GPC4: variants seen among roughly 807,000 people sequenced by gnomAD.
GPC4 encodes the protein glypican 4.
Under a neutral mutation model 35.0 loss-of-function variants are expected in GPC4, and 10 were observed. That is an observed-to-expected ratio of 0.29 (90% CI 0.18 to 0.48). The LOEUF (loss-of-function observed/expected upper bound fraction) is 0.48, where lower values mean the gene tolerates loss of function less well. GPC4 is among the 20% of genes least tolerant of loss of function. The pLI is 0.99. For synonymous variants in GPC4, 167 were observed against 170.2 expected (o/e 0.98, Z 0.15); for missense variants, 322 against 451.3 (o/e 0.71, Z 2.60).
chrX:133,362,282 C>G (rs2068572606), intron 1 of GPC4, among the ~76,000 whole-genome samples: 1 of 109,343 alleles, frequency 9.1e-6, no homozygotes, highest in Non-Finnish European at 1.9e-5. Flanking sequence ...GAGAAGGGAA[C>G]AGAAGAGGCA....
chrX:133,304,192 C>A (rs1172060168), intron 7 of GPC4, among the ~76,000 whole-genome samples: 3 of 109,765 alleles, frequency 2.7e-5, no homozygotes, highest in African/African-American at 1.0e-4. Context: ...CCTAGCTACT[C>A]AGGAGACTGA....
rs2068816450 is a variant in GPC4 at position 133,412,312 on chromosome X, A to G, written c.160+2494T>C. ...TGGTAAAGATTACGCCTGTTTCTAT[A>G]CTGGCCGTCTAAAGGTATTTACTTG... On this transcript the variant is annotated intron_variant, in intron 1 of 8. Transcript: ENST00000370828. 2.7e-5 allele frequency among the ~76,000 whole-genome samples: 3 copies of G among 112,185 alleles called. No individual in the cohort carries two copies. The South Asian group carries it at 1.1e-3, about 42-fold the overall frequency.
chrX:133,405,070 T>C (rs1056962621), intron 1 of GPC4, among the ~76,000 whole-genome samples: 1 of 108,902 alleles, frequency 9.2e-6, no homozygotes, highest in African/African-American at 3.4e-5. Context: ...CCCTTAAGGG[T>C]AGTTTTCATA....
intron 3 of GPC4, among the ~76,000 whole-genome samples, chrX:133,312,748 G>C (rs1239619944): frequency 2.7e-5 from 3 of 110,739 alleles, no homozygotes; most frequent in African/African-American, 6.6e-5. Flanking sequence ...GGACACATGG[G>C]GCTATGACTG....
intron 1 of GPC4, among the ~76,000 whole-genome samples, chrX:133,383,638 G>A (rs2068673857): frequency 9.0e-6 from 1 of 111,187 alleles, no homozygotes; most frequent in African/African-American, 3.3e-5. Context: ...TTGAGGCCAG[G>A]AGATCGAGAC....
chrX:133,304,639 C>T (rs1366936044), intron 7 of GPC4, 86 bp downstream of exon 7: 9 of 1,084,703 alleles, frequency 8.3e-6, no homozygotes, highest in East Asian at 3.0e-5. Context: ...CCTGATGCCT[C>T]GGTTGACAAT....
intron 1 of GPC4, among the ~76,000 whole-genome samples, chrX:133,389,178 C>A (rs1381726883): frequency 9.1e-6 from 1 of 109,515 alleles, no homozygotes; most frequent in South Asian, 4.0e-4. Context: ...AGGCTGGTCT[C>A]GAACTCCTGA....
intron 1 of GPC4, among the ~76,000 whole-genome samples, chrX:133,387,934 A>T (rs1285065227): frequency 8.9e-6 from 1 of 111,928 alleles, no homozygotes; most frequent in Non-Finnish European, 1.9e-5. Flanking sequence ...TATTATTTTC[A>T]TGTTAAGACT....
intron 1 of GPC4, among the ~76,000 whole-genome samples, chrX:133,395,794 T>G (rs2068740258): frequency 9.0e-6 from 1 of 111,307 alleles, no homozygotes; most frequent in Admixed American, 9.6e-5. Context: ...CCAACAGATT[T>G]CTATTACTAA....
chrX:133,303,954 G>GAAGGAAGGAAGGAAGC (rs1315046942), intron 7 of GPC4, among the ~76,000 whole-genome samples: 36 of 108,206 alleles, frequency 3.3e-4, no homozygotes, highest in African/African-American at 1.1e-3. Context: ...AGGAAGGAAG[G>GAAGGAAGGAAGGAAGC]AAGCTAGCTA....
chrX:133,307,914 T>C (rs1211234855), intron 4 of GPC4, among the ~76,000 whole-genome samples: 4 of 112,162 alleles, frequency 3.6e-5, no homozygotes, highest in Non-Finnish European at 7.5e-5. Flanking sequence ...ACCCCAATTC[T>C]TCTGGCTGTT....
chrX:133,312,041 G>T, intron 3 of GPC4, among the ~76,000 whole-genome samples: 1 of 111,509 alleles, frequency 9.0e-6, no homozygotes, highest in Non-Finnish European at 1.9e-5. Context: ...TAAACTTAGG[G>T]GGTGTGTGAA....
chrX:133,388,000 A>G (rs1432463626), intron 1 of GPC4, among the ~76,000 whole-genome samples: 2 of 112,089 alleles, frequency 1.8e-5, no homozygotes, highest in African/African-American at 6.5e-5. Context: ...TGTGTTGTCT[A>G]AAAGCCTTAT....
Position 133,304,669 on chromosome X carries a change from G to A in GPC4, c.1292+56C>T, listed in dbSNP as rs111477649. 8.3e-5 allele frequency: 98 copies of A among 1,184,437 alleles called. No individual in the cohort carries two copies. In the African/African-American group the frequency reaches 1.4e-3, roughly 16 times the overall value. On this transcript the variant is annotated intron_variant, in intron 7 of 8. Coordinates refer to ENST00000370828, the MANE Select transcript of GPC4 (RefSeq NM_001448.3). ...GACAATTGAGAGAACCCTCTCTGAA[G>A]GTCACCCAGGCATCTAGGAAGGGAG...
Position 133,303,259 on chromosome X carries a change from T to C in GPC4, c.1375A>G (p.Ile459Val), listed in dbSNP as rs760126328. The C allele has an allele frequency of 3.9e-5, 47 of 1,209,363 alleles. No homozygotes were observed. The highest frequency in any genetic ancestry group is 4.9e-5 in the Non-Finnish European group (44 of 894,771). ...GCCATGATTTGACGAAGGATCAGTA[T>C]GTCTGGTTTGCTGGTGTCAACCTGG... is the stretch of plus-strand genomic sequence containing the variant. ...EVQVDTSKPDILILRQIMALR... is the reference protein window; with the variant it reads ...EVQVDTSKPDVLILRQIMALR... The change falls in exon 8 of 9, where the codon ATA becomes GTA. Residue 459 changes from isoleucine (I) to valine (V), a missense_variant. Physicochemically the swap from Ile to Val is conservative, Grantham distance 29 (BLOSUM62 3). Transcript: ENST00000370828.
intron 1 of GPC4, among the ~76,000 whole-genome samples, chrX:133,383,266 T>C (rs988950822): frequency 9.0e-6 from 1 of 111,145 alleles, no homozygotes; most frequent in Non-Finnish European, 1.9e-5. Context: ...CTTAAATGCA[T>C]ATTATTAAGT....
At chrX:133,361,677 T>A (rs2124152219) in intron 1 of GPC4, among the ~76,000 whole-genome samples, 1 of 111,473 alleles carries the variant, frequency 9.0e-6, no homozygotes, top group South Asian at 3.8e-4. Context: ...TGCCATTAAA[T>A]GTGTAAAGTG....
Position 133,305,756 on chromosome X carries a change from C to T in GPC4, c.1155+16G>A, listed in dbSNP as rs372936499. ...TCTTTGTCATTAAACACGGCCCTTC[C>T]TGCCAAAACGCTCACCAGTCGGTCC... On this transcript the variant is annotated intron_variant, in intron 6 of 8. Transcript: ENST00000370828. 67 of 1,206,724 alleles carry T rather than the reference C, an allele frequency of 5.6e-5. No individual in the cohort carries two copies. In the African/African-American group the frequency reaches 1.0e-3, roughly 19 times the overall value.
In GPC4 at chrX:133,301,716, G is replaced by A. The variant is rs1161546285; in HGVS notation, c.*1151C>T. The A allele has an allele frequency of 1.8e-5, 2 of 112,265 alleles. No individual in the cohort carries two copies. The highest frequency in any genetic ancestry group is 3.8e-5 in the Non-Finnish European group (2 of 53,293). 9.3% of individuals were successfully genotyped at this position (112,265 alleles called of 1,213,427 possible). On this transcript the variant is annotated 3_prime_UTR_variant, in exon 9 of 9. Coordinates refer to ENST00000370828, the MANE Select transcript of GPC4 (RefSeq NM_001448.3). ...ATAAGAGGGGGCTAGGTAAGAAAAA[G>A]ACTCAAATGAGACACCTTATACTCT...
Sources: gnomAD v4.1 joint callset for allele counts (sites outside exome capture counted in the v4.1 genomes callset) on GRCh38, gnomAD v4.1.1 for gene constraint, MANE v1.5 for transcripts, NCBI Gene and HGNC (gene_info 2026-07-23, HGNC 2026-07-21) for gene names.